The following MON2 variants were observed in gnomAD, a reference collection of about 807,000 sequenced individuals.
The protein encoded by MON2 is protein MON2 homolog.
A neutral mutation model predicts 208.6 loss-of-function variants in MON2; 84 were observed. The observed-to-expected ratio is 0.40, with a 90% CI of 0.34 to 0.48. The LOEUF (loss-of-function observed/expected upper bound fraction) is 0.48, where lower values mean the gene tolerates loss of function less well. Ranked by LOEUF, MON2 falls within the 20% of genes least tolerant of loss-of-function variation. MON2 has a pLI of 0.59. For missense variants in MON2, 1,611 were observed against 2,015.4 expected (o/e 0.80, Z 3.84); for synonymous variants, 660 against 694.0 (o/e 0.95, Z 0.77).
In MON2 at chr12:62,545,024, C is replaced by G. The variant is rs1205369884; in HGVS notation, c.2577+16C>G. On this transcript the variant is annotated intron_variant, in intron 21 of 34. Transcript: ENST00000393630. ...ACAAAACCAGGTAATAAAAACCTTA[C>G]TTTTTAAAAAGAATACTCAATATAA... The G allele has an allele frequency of 6.7e-6, 10 of 1,495,172 alleles. No homozygotes were observed. Among genetic ancestry groups the G allele is most frequent in the Non-Finnish European group, 9.1e-6 (10 of 1,101,050 alleles). 92.6% of individuals were successfully genotyped at this position (1,495,172 alleles called of 1,614,324 possible). A position where few individuals can be genotyped will look rare whatever the true frequency, so the allele number is the denominator to read the frequency against.
At position 62,556,593 on chromosome 12, in the gene MON2, A is replaced by G. The variant is rs566383807; in HGVS notation, c.3409+401A>G. Among the ~76,000 whole-genome samples the G allele has an allele frequency of 1.2e-4, 18 of 152,272 alleles. No homozygotes were observed. In the South Asian group the frequency reaches 3.7e-3, roughly 32 times the overall value. On this transcript the variant is annotated intron_variant, in intron 25 of 34. Transcript: ENST00000393630. Reference sequence around the variant, plus strand: ...TAGGAGTTCATCAGGCAAGAGTAAGACGAAGTGTGGAGAGCCTTATAGTCA... The same window carrying G: ...TAGGAGTTCATCAGGCAAGAGTAAGGCGAAGTGTGGAGAGCCTTATAGTCA...
rs2072711743 is a variant in MON2 at position 62,532,684 on chromosome 12, T to C, written c.1633+14T>C. On this transcript the variant is annotated intron_variant, in intron 12 of 34. Transcript: ENST00000393630. ...ATAAGGAAATTGGTATGAGTCTGTA[T>C]TTTTAATTTTTATTGGAAATAATTT... 5.1e-6 allele frequency: 8 copies of C among 1,560,998 alleles called. No individual in the cohort carries two copies. Among genetic ancestry groups the C allele is most frequent in the Non-Finnish European group, 7.0e-6 (8 of 1,138,500 alleles).
intron 1 of MON2, chr12:62,470,899 A>G (rs1002507033): frequency 3.6e-5 from 9 of 248,068 alleles, no homozygotes; most frequent in African/African-American, 1.9e-4. Flanking sequence ...GTTGGTAGGA[A>G]GAATTAGAGG....
chr12:62,534,542 A>AAAAAAAAATATATATATATATATAT (rs1555169522), intron 12 of MON2, among the ~76,000 whole-genome samples: 1 of 22,850 alleles, frequency 4.4e-5, no homozygotes, highest in Non-Finnish European at 7.4e-5. Flanking sequence ...AAAAAAAAAA[A>AAAAAAAAATATATATATATATATAT]ATATATATAT....
intron 1 of MON2, among the ~76,000 whole-genome samples, chr12:62,474,486 G>A (rs1044028638): frequency 2.0e-5 from 3 of 151,972 alleles, no homozygotes; most frequent in Non-Finnish European, 2.9e-5. Context: ...GTGCAGTGGT[G>A]CAATCTCGGC....
At chr12:62,586,489 T>G (rs2075224067) in intron 33 of MON2, among the ~76,000 whole-genome samples, 1 of 152,268 alleles carries the variant, frequency 6.6e-6, no homozygotes, top group Admixed American at 6.5e-5. Context: ...TTTGCCAGTT[T>G]ATCATTTATC....
rs183400999 is a variant in MON2 at position 62,525,260 on chromosome 12, G to A, written c.1246+40G>A. The A allele has an allele frequency of 1.8e-4, 292 of 1,599,274 alleles. 1 individual carries two copies. In the African/African-American group the frequency reaches 3.2e-3, roughly 18 times the overall value. On this transcript the variant is annotated intron_variant, in intron 10 of 34. Coordinates refer to ENST00000393630, the MANE Select transcript of MON2 (RefSeq NM_015026.3). Reference sequence around the variant, plus strand: ...ATAATTTTGTTTCTTATATTCTGCCGTAAGTTACAGTATTGACTGTTCTGA... The same window carrying A: ...ATAATTTTGTTTCTTATATTCTGCCATAAGTTACAGTATTGACTGTTCTGA...
chr12:62,570,722 CTTTTTTTTT>C (rs1192680038), intron 29 of MON2, among the ~76,000 whole-genome samples: 21 of 70,856 alleles, frequency 3.0e-4, no homozygotes, highest in African/African-American at 5.9e-4. Context: ...TTTTCTTTTT[CTTTTTTTTT>C]TTTTTTTTTT....
At chr12:62,556,917 A>C (rs1334665054) in intron 25 of MON2, among the ~76,000 whole-genome samples, 1 of 152,014 alleles carries the variant, frequency 6.6e-6, no homozygotes, top group Non-Finnish European at 1.5e-5. Context: ...CTCTACAAAA[A>C]TTTTTTTAAA....
intron 1 of MON2, among the ~76,000 whole-genome samples, chr12:62,468,010 G>A (rs1412927923): frequency 6.6e-6 from 1 of 151,948 alleles, no homozygotes; most frequent in Non-Finnish European, 1.5e-5. Flanking sequence ...TTATGTATGG[G>A]AAAGATGTCA....
intron 20 of MON2, 84 bp downstream of exon 20, chr12:62,543,282 A>G (rs929210552): frequency 1.6e-5 from 11 of 675,176 alleles, no homozygotes; most frequent in Non-Finnish European, 2.5e-5. Flanking sequence ...CATTTGAAAA[A>G]TCAGCATTAA....
chr12:62,550,754 C>T (rs1421879446), intron 23 of MON2, among the ~76,000 whole-genome samples: 1 of 152,118 alleles, frequency 6.6e-6, no homozygotes, highest in Admixed American at 6.6e-5. Flanking sequence ...AGCTTCCTCA[C>T]CTTGCTCAGC....
chr12:62,520,665 T>G (rs996662759), intron 8 of MON2, among the ~76,000 whole-genome samples: 1 of 151,890 alleles, frequency 6.6e-6, no homozygotes, highest in African/African-American at 2.4e-5. Context: ...CCAGGCGCAG[T>G]GGCTCACGCC....
chr12:62,521,654 AATAC>A (rs1005130223), intron 8 of MON2, among the ~76,000 whole-genome samples: 1 of 152,194 alleles, frequency 6.6e-6, no homozygotes, highest in African/African-American at 2.4e-5. Flanking sequence ...AGGTTCTGTT[AATAC>A]ATCTAGAGTG....
intron 22 of MON2, 48 bp downstream of exon 22, chr12:62,547,120 TATAA>T: frequency 8.3e-7 from 1 of 1,208,720 alleles, no homozygotes; most frequent in Non-Finnish European, 1.1e-6. Context: ...AAAAATAAAA[TATAA>T]ATAAAATAAA....
At chr12:62,515,669 G>A (rs927188525) in intron 8 of MON2, among the ~76,000 whole-genome samples, 2 of 152,032 alleles carry the variant, frequency 1.3e-5, no homozygotes, top group African/African-American at 4.8e-5. Flanking sequence ...AAAAAAATTA[G>A]CTGGGTGTGG....
rs112889344 is a variant in MON2, at chr12:62,479,230, G to A, written c.112-4940G>A. On this transcript the variant is annotated intron_variant, in intron 1 of 34. Coordinates refer to ENST00000393630, the MANE Select transcript of MON2 (RefSeq NM_015026.3). ...ACAGCCATCCTTTGATATCTGCAGG[G>A]AATTGGTTCCAAGAACCCCAGGGAA... Among the ~76,000 whole-genome samples, 706 of 152,160 alleles carry A rather than the reference G, an allele frequency of 4.6e-3. 3 individuals carry two copies. Among genetic ancestry groups the A allele is most frequent in the Non-Finnish European group, 7.6e-3 (518 of 67,998 alleles).
chr12:62,532,510 T>C lies in MON2; in HGVS notation c.1473T>C (p.Cys491=). 2 of 1,614,172 alleles carry C rather than the reference T, an allele frequency of 1.2e-6. No individual in the cohort carries two copies. The highest frequency in any genetic ancestry group is 1.7e-6 in the Non-Finnish European group (2 of 1,180,024). The change falls in exon 12 of 35, where the codon TGT becomes TGC. Residue 491 remains cysteine, a synonymous_variant. Transcript: ENST00000393630. ...EGYAMSVAFH[C]LLDLVRGITS... Reference sequence around the variant, plus strand: ...ACGCCATGTCTGTGGCATTCCATTGTTTGCTAGACCTTGTTCGTGGAATCA... The same window carrying C: ...ACGCCATGTCTGTGGCATTCCATTGCTTGCTAGACCTTGTTCGTGGAATCA...
chr12:62,549,647 A>G (rs767387783), intron 22 of MON2, 21 bp from the exon 23 acceptor site: 29 of 1,573,510 alleles, frequency 1.8e-5, no homozygotes, highest in Admixed American at 3.9e-5. Context: ...GTGCATCTGT[A>G]TACATTTCTT....
Sources: gnomAD v4.1 joint callset for allele counts (sites outside exome capture counted in the v4.1 genomes callset) on GRCh38, gnomAD v4.1.1 for gene constraint, MANE v1.5 for transcripts, NCBI Gene and HGNC (gene_info 2026-07-23, HGNC 2026-07-21) for gene names.